The following ROBO2 variants were observed in gnomAD, a reference collection of about 807,000 sequenced individuals.
The protein encoded by ROBO2 is roundabout guidance receptor 2.
In ROBO2, 53 loss-of-function variants were observed where a neutral mutation model predicts 160.8. The observed-to-expected ratio is 0.33, with a 90% CI of 0.26 to 0.41. ROBO2 has a LOEUF of 0.41. ROBO2 is among the 10% of genes least tolerant of loss of function. The pLI, the probability that ROBO2 is intolerant of heterozygous loss-of-function variation, is 1.00. For synonymous variants in ROBO2, 664 were observed against 611.7 expected (o/e 1.09, Z -1.26); for missense variants, 1,577 against 1,722.4 (o/e 0.92, Z 1.49).
chr3:77,314,102 C>G (rs369925762), intron 2 of ROBO2, among the ~76,000 whole-genome samples: 1 of 152,000 alleles, frequency 6.6e-6, no homozygotes, highest in Non-Finnish European at 1.5e-5. Context: ...TCCCTCAGCC[C>G]GTAGTAATGC....
intron 2 of ROBO2, among the ~76,000 whole-genome samples, chr3:76,521,022 A>C (rs899331275): frequency 3.3e-5 from 5 of 151,058 alleles, no homozygotes; most frequent in African/African-American, 1.2e-4. Flanking sequence ...GATATGAAAA[A>C]ACAGTTGCAA....
chr3:76,249,678 A>G (rs1705862620), intron 2 of ROBO2, among the ~76,000 whole-genome samples: 1 of 152,126 alleles, frequency 6.6e-6, no homozygotes, highest in Non-Finnish European at 1.5e-5. Flanking sequence ...ACTTTACTGC[A>G]GAAAATTATT....
Position 76,798,317 on chromosome 3 carries a change from A to G in ROBO2, c.110-299697A>G, listed in dbSNP as rs80001321. ...GAAAGAAAGAAAGAAAGAAAGAAAA[A>G]AGAACGAATGAACTAAAGGCCAATA... On this transcript the variant is annotated intron_variant, in intron 2 of 26. Coordinates refer to the ROBO2 transcript ENST00000487694. Among the ~76,000 whole-genome samples the G allele has an allele frequency of 4.0e-5, 6 of 151,276 alleles. No homozygotes were observed. In the East Asian group the frequency reaches 1.2e-3, roughly 29 times the overall value.
At chr3:77,278,153 T>C (rs1419220423) in intron 2 of ROBO2, among the ~76,000 whole-genome samples, 3 of 152,168 alleles carry the variant, frequency 2.0e-5, no homozygotes, top group African/African-American at 7.2e-5. Context: ...TTGGTTCTTA[T>C]AGATGACATT....
At chr3:75,969,807 G>T (rs538430853) in intron 2 of ROBO2, among the ~76,000 whole-genome samples, 20 of 151,576 alleles carry the variant, frequency 1.3e-4, no homozygotes, top group Admixed American at 1.1e-3. Context: ...CTGACATACG[G>T]TTTGTAAATA....
Position 76,485,542 on chromosome 3 carries a change from GA to G in ROBO2, c.109+547944del, listed in dbSNP as rs532581361. Among the ~76,000 whole-genome samples the G allele has an allele frequency of 3.4e-3, 521 of 152,252 alleles. 5 individuals carry two copies. The highest frequency in any genetic ancestry group is 0.012 in the African/African-American group (503 of 41,558). On this transcript the variant is annotated intron_variant, in intron 2 of 26. Transcript: ENST00000487694. The stretch of plus-strand genomic sequence containing the variant: ...CAGGGGTTGGGGAACTCTGCTATAT[GA>G]AAAGCTATATACTCATAGCTCCCTC...
At chr3:77,557,965 C>T (rs763838000) in exon 9 of ROBO2, 11 of 1,612,848 alleles carry the variant, frequency 6.8e-6, no homozygotes, top group African/African-American at 4.0e-5. Flanking sequence ...AGACCTCCAC[C>T]TATAATTCTA....
intron 2 of ROBO2, among the ~76,000 whole-genome samples, chr3:77,182,898 A>G (rs1458823136): frequency 6.6e-6 from 1 of 152,064 alleles, no homozygotes; most frequent in African/African-American, 2.4e-5. Context: ...AATCTCTTTG[A>G]ATGAAAATTT....
chr3:77,403,621 T>A (rs1490273821), intron 2 of ROBO2, among the ~76,000 whole-genome samples: 34 of 106,672 alleles, frequency 3.2e-4, no homozygotes, highest in African/African-American at 1.6e-3. Context: ...TGTGTGTATT[T>A]TTTTTTTTAT....
Position 76,154,270 on chromosome 3 carries a change from A to G in ROBO2, c.109+216668A>G, listed in dbSNP as rs571839340. Among the ~76,000 whole-genome samples the G allele has an allele frequency of 3.7e-3, 571 of 152,282 alleles. 2 individuals are homozygous for G. Among genetic ancestry groups the G allele is most frequent in the African/African-American group, 0.013 (537 of 41,576 alleles). ...TTGCTTAGATTCTTCATCTTTGAAG[A>G]AAAAGCTAATATTCATGAATATATG... On this transcript the variant is annotated intron_variant, in intron 2 of 26. Transcript: ENST00000487694.
chr3:76,715,752 T>C (rs1421327878), intron 2 of ROBO2, among the ~76,000 whole-genome samples: 1 of 152,188 alleles, frequency 6.6e-6, no homozygotes, highest in Non-Finnish European at 1.5e-5. Flanking sequence ...TCCAATTTTC[T>C]TTCTTTATGG....
At chr3:77,316,898 T>C (rs1179802802) in intron 2 of ROBO2, 6 of 1,179,560 alleles carry the variant, frequency 5.1e-6, no homozygotes, top group Middle Eastern at 2.8e-4. Context: ...TTGTTCACTT[T>C]AGTGGAGAAG....
chr3:76,727,448 C>T (rs1414248533), intron 2 of ROBO2, among the ~76,000 whole-genome samples: 1 of 152,086 alleles, frequency 6.6e-6, no homozygotes, highest in Non-Finnish European at 1.5e-5. Flanking sequence ...GAGTAATGTG[C>T]TTTTATTTTC....
intron 2 of ROBO2, among the ~76,000 whole-genome samples, chr3:76,700,747 A>C (rs2093030465): frequency 6.6e-6 from 1 of 152,232 alleles, no homozygotes; most frequent in South Asian, 2.1e-4. Context: ...TAATAGTTCA[A>C]AAGGAAGCTT....
intron 2 of ROBO2, among the ~76,000 whole-genome samples, chr3:75,958,899 TATAAAGTA>T (rs1328312155): frequency 1.3e-5 from 2 of 151,806 alleles, no homozygotes; most frequent in African/African-American, 2.4e-5. Flanking sequence ...TTTTCCCTCT[TATAAAGTA>T]AGGAGTATAG....
At chr3:76,093,147 TG>T (rs1367639299) in intron 2 of ROBO2, among the ~76,000 whole-genome samples, 2 of 152,200 alleles carry the variant, frequency 1.3e-5, no homozygotes, top group African/African-American at 4.8e-5. Context: ...TAATCATCAT[TG>T]TGTTTCTGTT....
chr3:76,967,308 C>T lies in ROBO2; in HGVS notation c.110-130706C>T, dbSNP rs562720328. On this transcript the variant is annotated intron_variant, in intron 2 of 26. Transcript: ENST00000487694. ...CAACCTCCATCCTCCCAAGTTCAAGCGATTTTTCCACCCCAGACTTCCAAG... is the reference window on the plus strand; with the variant it reads ...CAACCTCCATCCTCCCAAGTTCAAGTGATTTTTCCACCCCAGACTTCCAAG... Among the ~76,000 whole-genome samples the T allele has an allele frequency of 1.1e-4, 16 of 151,452 alleles. No homozygotes were observed. The South Asian group carries it at 3.3e-3, about 32-fold the overall frequency.
At chr3:77,646,680 C>T (rs2095414639) in exon 26 of ROBO2, 1 of 152,264 alleles carries the variant, frequency 6.6e-6, no homozygotes, top group Non-Finnish European at 1.5e-5. Flanking sequence ...TTGGCAAAGT[C>T]TTCTTTGAAT....
chr3:77,503,905 T>C (rs1296787105), intron 5 of ROBO2, among the ~76,000 whole-genome samples: 1 of 152,210 alleles, frequency 6.6e-6, no homozygotes, highest in Non-Finnish European at 1.5e-5. Context: ...TTTGTTAGTG[T>C]ATGAAGGAGA....
Sources: gnomAD v4.1 joint callset for allele counts (sites outside exome capture counted in the v4.1 genomes callset) on GRCh38, gnomAD v4.1.1 for gene constraint, MANE v1.5 for transcripts, NCBI Gene and HGNC (gene_info 2026-07-23, HGNC 2026-07-21) for gene names.